HUWE1: variants seen among roughly 807,000 people sequenced by gnomAD.
HUWE1 encodes the protein HECT, UBA and WWE domain containing E3 ubiquitin protein ligase 1.
A neutral mutation model predicts 299.4 loss-of-function variants in HUWE1; 18 were observed. The ratio of observed to expected loss-of-function variants is 0.06; its 90% CI spans 0.04 to 0.09. The LOEUF is 0.09. Ranked by LOEUF, HUWE1 falls within the 10% of genes least tolerant of loss-of-function variation. HUWE1 has a pLI of 1.00. For missense variants in HUWE1, 1,832 were observed against 3,462.3 expected (o/e 0.53, Z 11.82); for synonymous variants, 1,317 against 1,286.1 (o/e 1.02, Z -0.51).
At chrX:53,610,048 T>C (rs1421441578) in intron 23 of HUWE1, among the ~76,000 whole-genome samples, 1 of 111,691 alleles carries the variant, frequency 9.0e-6, no homozygotes, top group African/African-American at 3.3e-5. Flanking sequence ...AGTATACCTA[T>C]AAGGCAAGAC....
At chrX:53,545,213 G>A in intron 70 of HUWE1, 52 bp from the exon 71 acceptor site, 1 of 1,153,679 alleles carries the variant, frequency 8.7e-7, no homozygotes, top group South Asian at 1.9e-5. Flanking sequence ...TGGTAAAGTG[G>A]CTAAAAGCCA....
In HUWE1 at chrX:53,616,862, T is replaced by C. The variant is rs1279400418; in HGVS notation, c.1957+108A>G. 6.5e-6 allele frequency: 4 copies of C among 619,336 alleles called. No individual in the cohort carries two copies. In the East Asian group the frequency reaches 1.1e-4, roughly 17 times the overall value. The allele number at this position is 619,336 out of a possible 1,213,427, so 51.0% of individuals were successfully genotyped here. On this transcript the variant is annotated intron_variant, in intron 21 of 83. Coordinates refer to ENST00000262854, the MANE Select transcript of HUWE1 (RefSeq NM_031407.7). ...ATAGAATGTATGATGATAATTCCCA[T>C]TAAACTTAGCACACCTAACCAGTAA...
Position 53,534,156 on chromosome X carries a change from A to G in HUWE1, c.12873T>C (p.Ala4291=). 8.3e-7 allele frequency: 1 copy of G among 1,211,156 alleles called. No individual in the cohort carries two copies. Among genetic ancestry groups the G allele is most frequent in the Non-Finnish European group, 1.1e-6 (1 of 895,093 alleles). Residue 4291 remains alanine (A), a synonymous_variant, in exon 83 of 84, where the codon GCT becomes GCC. Transcript: ENST00000262854. The stretch of plus-strand genomic sequence containing the variant: ...CAAACTGGAGGAACTTGGCACGGTC[A>G]GCTTGATCGAAAGAACGCAATGCTC... ...FWRALRSFDQ[A]DRAKFLQFVT...
chrX:53,584,653 C>CT (rs1556971431), intron 40 of HUWE1, among the ~76,000 whole-genome samples: 1 of 111,505 alleles, frequency 9.0e-6, no homozygotes, highest in Non-Finnish European at 1.9e-5. Flanking sequence ...GACCCAAGGT[C>CT]TAATCAATGA....
At chrX:53,642,010 C>A (rs957302815) in intron 7 of HUWE1, among the ~76,000 whole-genome samples, 1 of 111,294 alleles carries the variant, frequency 9.0e-6, no homozygotes, top group Non-Finnish European at 1.9e-5. Context: ...ATATAATACA[C>A]CCACACACAC....
At position 53,592,507 on chromosome X, in the gene HUWE1, C is replaced by T. The variant is rs782737005; in HGVS notation, c.3863G>A (p.Arg1288Gln). The change falls in exon 33 of 84, where the codon CGA becomes CAA. Residue 1288 changes from arginine (R) to glutamine (Q), a missense_variant. Physicochemically the swap from Arg to Gln is conservative, Grantham distance 43. Coordinates refer to ENST00000262854, the MANE Select transcript of HUWE1 (RefSeq NM_031407.7). ...CTCCTTCTCCTTGCTTAGTCTCTCT[C>T]GAATCACAGGTTCTCCTCGGAGGAT... is the stretch of plus-strand genomic sequence containing the variant. ...CHILRGEPVI[R>Q]ERLSKEKEGS... The T allele has an allele frequency of 2.5e-5, 30 of 1,208,305 alleles. No homozygotes were observed. The Admixed American group carries it at 3.5e-4, about 14-fold the overall frequency.
intron 41 of HUWE1, 22 bp from the exon 42 acceptor site, chrX:53,583,938 GT>G: frequency 3.6e-6 from 4 of 1,103,417 alleles, no homozygotes; most frequent in Non-Finnish European, 5.0e-6. Flanking sequence ...GAAAATAACA[GT>G]TTTAGACAGT....
chrX:53,553,741 C>T (rs900487215), intron 61 of HUWE1, among the ~76,000 whole-genome samples: 1 of 109,295 alleles, frequency 9.1e-6, no homozygotes, highest in Admixed American at 9.8e-5. Context: ...ACCTGGGTGG[C>T]GGAGGTTGCA....
chrX:53,602,451 T>A (rs1216189320), intron 28 of HUWE1, 113 bp downstream of exon 28: 2 of 472,188 alleles, frequency 4.2e-6, no homozygotes, highest in African/African-American at 4.9e-5. Context: ...AGTGAGAGGA[T>A]GAAAACTAGA....
chrX:53,587,466 G>A (rs1277976706), intron 37 of HUWE1, among the ~76,000 whole-genome samples: 2 of 112,057 alleles, frequency 1.8e-5, no homozygotes, highest in Admixed American at 1.9e-4. Context: ...TGGGAAAATA[G>A]TCATAATACT....
chrX:53,561,619 T>C, intron 55 of HUWE1, 137 bp downstream of exon 55: 1 of 893,048 alleles, frequency 1.1e-6, no homozygotes, highest in Admixed American at 2.6e-5. Flanking sequence ...TGGATTCAGA[T>C]ATCCCTTGCC....
intron 60 of HUWE1, chrX:53,556,392 T>C (rs782125609): frequency 3.0e-6 from 1 of 336,030 alleles, no homozygotes; most frequent in East Asian, 9.9e-5. Context: ...CAGACTCTTT[T>C]AAAGATCTTT....
rs1556930587 is a variant in HUWE1 at position 53,552,825 on chromosome X, A to T, written c.8563T>A (p.Ser2855Thr). 8.3e-7 allele frequency: 1 copy of T among 1,211,006 alleles called. No homozygotes were observed. The highest frequency in any genetic ancestry group is 1.8e-5 in the South Asian group (1 of 56,944). The change falls in exon 62 of 84, where the codon TCT (serine) becomes ACT (threonine). Residue 2855 changes from serine to threonine, a missense_variant. Around this residue, in one of 15 missense-constraint regions of HUWE1, gnomAD observed 143 missense variants for 148.1 expected, o/e 0.97. Transcript: ENST00000262854. Reference protein sequence around the residue: ...LTAVSSQLEGSPMDTSSLASC... With the variant: ...LTAVSSQLEGTPMDTSSLASC... The stretch of plus-strand genomic sequence containing the variant: ...GCCAGGCTGCTTGTATCCATAGGAG[A>T]GCCTTCTAGCTGACTGCTGACAGCC...
At chrX:53,554,977 A>T in intron 60 of HUWE1, 57 bp from the exon 61 acceptor site, 1 of 945,496 alleles carries the variant, frequency 1.1e-6, no homozygotes, top group Admixed American at 3.0e-5. Context: ...TGATGAGGGG[A>T]GCCACCCCAA....
rs868956591 is a variant in HUWE1, at chrX:53,669,831, T to A, written c.-25+10218A>T. Among the ~76,000 whole-genome samples, 8 of 112,356 alleles carry A rather than the reference T, an allele frequency of 7.1e-5. No homozygotes were observed. The Middle Eastern group carries it at 0.014, about 195-fold the overall frequency. On this transcript the variant is annotated intron_variant, in intron 3 of 83. Transcript: ENST00000262854. ...ACACCATTACTTCAGCATAAAAAGC[T>A]TAACATAGTATAAAAATACTTAACA...
Position 53,533,088 on chromosome X carries a change from G to T in HUWE1, c.*221C>A. 1 of 427,665 alleles carries T rather than the reference G, an allele frequency of 2.3e-6. No homozygotes were observed. Among genetic ancestry groups the T allele is most frequent in the Non-Finnish European group, 4.1e-6 (1 of 241,066 alleles). 35.2% of individuals were successfully genotyped at this position (427,665 alleles called of 1,213,427 possible). A position where few individuals can be genotyped will look rare whatever the true frequency, so the allele number is the denominator to read the frequency against. On this transcript the variant is annotated 3_prime_UTR_variant, in exon 84 of 84. Transcript: ENST00000262854. Reference sequence around the variant, plus strand: ...ACACATGGGGTGGGGATCATGGACGGCATGGAAAGGGGAGAGAAGGTGAGG... The same window carrying T: ...ACACATGGGGTGGGGATCATGGACGTCATGGAAAGGGGAGAGAAGGTGAGG...
In HUWE1 at chrX:53,550,697, A is replaced by G. The variant is rs1556927868; in HGVS notation, c.9457T>C (p.Phe3153Leu). ...TGGCTGCTGCTACCCCCCATCTGGA[A>G]GGTGCCACCTCTCTGCACAGCAAGG... Reference protein sequence around the residue: ...TRLAVQRGGTFQMGGSSSHNR... With the variant: ...TRLAVQRGGTLQMGGSSSHNR... The change falls in exon 66 of 84, where the codon TTC becomes CTC. Residue 3153 changes from phenylalanine (F) to leucine (L), a missense_variant. Physicochemically the swap from Phe to Leu is conservative, Grantham distance 22. Transcript: ENST00000262854. 1 of 1,211,619 alleles carries G rather than the reference A, an allele frequency of 8.3e-7. No individual in the cohort carries two copies. Among genetic ancestry groups the G allele is most frequent in the Non-Finnish European group, 1.1e-6 (1 of 895,310 alleles).
At chrX:53,563,670 AGAT>A (rs1265757662) in intron 52 of HUWE1, 73 bp downstream of exon 52, 1 of 1,086,618 alleles carries the variant, frequency 9.2e-7, no homozygotes, top group Non-Finnish European at 1.3e-6. Context: ...CTGAGCAAGC[AGAT>A]GATGAGAAAA....
chrX:53,535,213 G>A (rs2060981908), intron 81 of HUWE1, among the ~76,000 whole-genome samples, 171 bp downstream of exon 81: 1 of 112,114 alleles, frequency 8.9e-6, no homozygotes, highest in South Asian at 3.7e-4. Flanking sequence ...GGGATTATAG[G>A]TGTGAGCCAC....
Sources: allele counts gnomAD v4.1 joint callset (sites outside exome capture counted in the v4.1 genomes callset), GRCh38; gene constraint gnomAD v4.1.1; regional missense constraint gnomAD v4.1.1; transcripts MANE v1.5; gene names NCBI Gene and HGNC (gene_info 2026-07-23, HGNC 2026-07-21).